SNRNP40: variants seen among roughly 807,000 people sequenced by gnomAD.
The protein encoded by SNRNP40 is small nuclear ribonucleoprotein U5 subunit 40, also known as U5 small nuclear ribonucleoprotein 40 kDa protein.
In SNRNP40, 21 loss-of-function variants were observed where a neutral mutation model predicts 45.8. The observed-to-expected ratio is 0.46, with a 90% CI of 0.32 to 0.66. SNRNP40 has a LOEUF of 0.66. Ranked by LOEUF, SNRNP40 falls within the 30% of genes least tolerant of loss-of-function variation. The pLI, the probability that SNRNP40 is intolerant of heterozygous loss-of-function variation, is 0.03. For missense variants in SNRNP40, 344 were observed against 439.1 expected, an observed-to-expected ratio of 0.78 and a Z score of 1.94; for synonymous variants, 142 against 163.8, an observed-to-expected ratio of 0.87 and a Z score of 1.01.
intron 8 of SNRNP40, among the ~76,000 whole-genome samples, chr1:31,266,285 G>C (rs1316076596): frequency 6.6e-6 from 1 of 152,210 alleles, no homozygotes; most frequent in Non-Finnish European, 1.5e-5. Context: ...GCTAGCCCAA[G>C]AAAGTCTTCC....
chr1:31,269,068 G>T, intron 7 of SNRNP40, 90 bp downstream of exon 7: 1 of 1,146,802 alleles, frequency 8.7e-7, no homozygotes, highest in Non-Finnish European at 1.2e-6. Flanking sequence ...TCCATTCTTA[G>T]CAGAGCTACT....
intron 5 of SNRNP40, among the ~76,000 whole-genome samples, chr1:31,279,331 G>A (rs1645999327): frequency 6.6e-6 from 1 of 152,200 alleles, no homozygotes; most frequent in Non-Finnish European, 1.5e-5. Context: ...CCGTGAGGAG[G>A]TCAATAGCAA....
chr1:31,271,889 T>A (rs2148383016), intron 5 of SNRNP40, among the ~76,000 whole-genome samples: 1 of 152,176 alleles, frequency 6.6e-6, no homozygotes, highest in Non-Finnish European at 1.5e-5. Flanking sequence ...TCCCACCTCA[T>A]CCTCTCAGTA....
intron 5 of SNRNP40, among the ~76,000 whole-genome samples, chr1:31,280,526 A>G (rs950878782): frequency 6.7e-6 from 1 of 149,320 alleles, no homozygotes; most frequent in Non-Finnish European, 1.5e-5. Flanking sequence ...AATACAGTAC[A>G]ACTTCTAGGT....
At chr1:31,276,525 C>T (rs1004407072) in intron 5 of SNRNP40, among the ~76,000 whole-genome samples, 9 of 150,652 alleles carry the variant, frequency 6.0e-5, no homozygotes, top group Admixed American at 2.0e-4. Flanking sequence ...AGAGGCAAGT[C>T]ACAGCAATGC....
intron 6 of SNRNP40, among the ~76,000 whole-genome samples, chr1:31,270,319 T>C (rs189702087): frequency 9.8e-5 from 15 of 152,314 alleles, no homozygotes; most frequent in Admixed American, 8.5e-4. Context: ...GGAAACCTCA[T>C]TGTTCCTCAT....
At chr1:31,280,104 A>C in intron 5 of SNRNP40, among the ~76,000 whole-genome samples, 2 of 91,176 alleles carry the variant, frequency 2.2e-5, no homozygotes, top group African/African-American at 3.8e-5. Context: ...ACAGAGGAAG[A>C]CTCTGACTCA....
intron 5 of SNRNP40, among the ~76,000 whole-genome samples, chr1:31,277,403 T>C (rs1046273421): frequency 5.3e-5 from 8 of 152,220 alleles, no homozygotes; most frequent in African/African-American, 1.9e-4. Context: ...TATTACTAAA[T>C]CTATTTTAAT....
intron 5 of SNRNP40, among the ~76,000 whole-genome samples, chr1:31,276,302 G>C (rs1645974300): frequency 6.6e-6 from 1 of 152,158 alleles, no homozygotes; most frequent in African/African-American, 2.4e-5. Flanking sequence ...TTAAGCACAG[G>C]AATTCAAGGT....
chr1:31,289,231 G>C (rs1185408160), intron 4 of SNRNP40, 23 bp downstream of exon 4: 1 of 1,610,142 alleles, frequency 6.2e-7, no homozygotes, highest in Non-Finnish European at 8.5e-7. Context: ...TCAGAAACTG[G>C]AACACGGAGA....
In SNRNP40 at chr1:31,268,618, CA is replaced by C. The variant is rs61281774; in HGVS notation, c.858+539del. 2.2e-3 allele frequency among the ~76,000 whole-genome samples: 325 copies of C among 145,512 alleles called. 2 individuals carry two copies. Among genetic ancestry groups the C allele is most frequent in the African/African-American group, 5.4e-3 (215 of 39,886 alleles). ...GTGAAACTGAATCTCAATGAGCTCT[CA>C]AAAAAAAAAATCTCTATTAACAAAT... On this transcript the variant is annotated intron_variant, in intron 7 of 9. Coordinates refer to ENST00000263694, the MANE Select transcript of SNRNP40 (RefSeq NM_004814.3).
At chr1:31,278,690 C>T (rs1486385230) in intron 5 of SNRNP40, among the ~76,000 whole-genome samples, 1 of 152,026 alleles carries the variant, frequency 6.6e-6, no homozygotes, top group Non-Finnish European at 1.5e-5. Context: ...TTTGGAAAAC[C>T]TGAATTCTTA....
chr1:31,286,153 T>C (rs998085123), intron 4 of SNRNP40, among the ~76,000 whole-genome samples: 11 of 145,420 alleles, frequency 7.6e-5, no homozygotes, highest in African/African-American at 2.2e-4. Context: ...AGGCAATATA[T>C]GTACATTTAG....
chr1:31,293,316 T>G lies in SNRNP40; in HGVS notation c.174A>C (p.Pro58=). The G allele has an allele frequency of 6.2e-7, 1 of 1,613,528 alleles. No homozygotes were observed. The highest frequency in any genetic ancestry group is 8.5e-7 in the Non-Finnish European group (1 of 1,179,894). Residue 58 remains proline (P), a synonymous_variant, in exon 2 of 10, where the codon CCA becomes CCC. Coordinates refer to ENST00000263694, the MANE Select transcript of SNRNP40 (RefSeq NM_004814.3). Reference sequence around the variant, plus strand: ...CTTCATGTCCAGAGAGCAGCATGATTGGGGCTTGAAGGGAGGAACATCTTG... The same window carrying G: ...CTTCATGTCCAGAGAGCAGCATGATGGGGGCTTGAAGGGAGGAACATCTTG... ...GPPRCSSLQA[P]IMLLSGHEGE... is the part of the protein sequence containing the mutation.
intron 4 of SNRNP40, among the ~76,000 whole-genome samples, chr1:31,286,755 C>T (rs1302579782): frequency 6.6e-6 from 1 of 152,164 alleles, no homozygotes; most frequent in Non-Finnish European, 1.5e-5. Flanking sequence ...CTTCCTCACT[C>T]TCTGACTACT....
At chr1:31,264,744 C>T (rs1408218230) in intron 8 of SNRNP40, among the ~76,000 whole-genome samples, 21 of 152,128 alleles carry the variant, frequency 1.4e-4, no homozygotes, top group Non-Finnish European at 2.9e-4. Context: ...TAGGACTATT[C>T]AGAGTTTCAA....
intron 1 of SNRNP40, among the ~76,000 whole-genome samples, chr1:31,294,265 A>G (rs1291084180): frequency 1.3e-5 from 2 of 151,810 alleles, no homozygotes; most frequent in East Asian, 3.9e-4. Context: ...GCCTATTTTT[A>G]TTTCTTATTT....
At chr1:31,287,159 T>G (rs1646065701) in intron 4 of SNRNP40, among the ~76,000 whole-genome samples, 1 of 152,184 alleles carries the variant, frequency 6.6e-6, no homozygotes, top group Non-Finnish European at 1.5e-5. Flanking sequence ...TTCCTGTACT[T>G]GCAACCTAGT....
chr1:31,261,490 T>C, intron 9 of SNRNP40, 39 bp downstream of exon 9: 1 of 1,364,676 alleles, frequency 7.3e-7, no homozygotes, highest in Non-Finnish European at 1.0e-6. Flanking sequence ...TACGGGGAGA[T>C]TTCCAGTTTC....
Sources: gnomAD v4.1 joint callset for allele counts (sites outside exome capture counted in the v4.1 genomes callset) on GRCh38, gnomAD v4.1.1 for gene constraint, MANE v1.5 for transcripts, NCBI Gene and HGNC (gene_info 2026-07-23, HGNC 2026-07-21) for gene names.